RNF144B: variants seen among roughly 807,000 people sequenced by gnomAD.
RNF144B encodes the protein ring finger protein 144B, also known as E3 ubiquitin-protein ligase RNF144B.
Under a neutral mutation model 40.2 loss-of-function variants are expected in RNF144B, and 25 were observed. The observed-to-expected ratio is 0.62, with a 90% CI of 0.45 to 0.87. The LOEUF (loss-of-function observed/expected upper bound fraction) is 0.87, where lower values mean the gene tolerates loss of function less well. Ranked by LOEUF, RNF144B falls within the 40% of genes least tolerant of loss-of-function variation. RNF144B has a pLI of 0.00. For synonymous variants in RNF144B, 145 were observed against 136.3 expected (o/e 1.06, Z -0.44); for missense variants, 365 against 373.7 (o/e 0.98, Z 0.19).
chr6:18,451,167 C>CT (rs1344224235), intron 4 of RNF144B, among the ~76,000 whole-genome samples: 1 of 152,064 alleles, frequency 6.6e-6, no homozygotes, highest in Non-Finnish European at 1.5e-5. Flanking sequence ...TTTCCCTTTT[C>CT]TTTTTTTGAC....
chr6:18,387,603 C>A lies in RNF144B; in HGVS notation c.-64C>A. 7.6e-7 allele frequency: 1 copy of A among 1,317,036 alleles called. No individual in the cohort carries two copies. The highest frequency in any genetic ancestry group is 1.0e-6 in the Non-Finnish European group (1 of 1,003,974). 81.6% of individuals were successfully genotyped at this position (1,317,036 alleles called of 1,614,324 possible). ...CGAGGGAGGCTACTGAGAAGCCCGGCGACGGAGGAACGCAGGTCTGCTGCC... is the reference window on the plus strand; with the variant it reads ...CGAGGGAGGCTACTGAGAAGCCCGGAGACGGAGGAACGCAGGTCTGCTGCC... On this transcript the variant is annotated 5_prime_UTR_variant, in exon 1 of 8. Coordinates refer to ENST00000259939, the MANE Select transcript of RNF144B (RefSeq NM_182757.4).
chr6:18,415,932 G>A (rs1276403709), intron 2 of RNF144B, among the ~76,000 whole-genome samples: 1 of 151,882 alleles, frequency 6.6e-6, no homozygotes, highest in Non-Finnish European at 1.5e-5. Flanking sequence ...AATAGTAGGA[G>A]GAAGAATGAA....
chr6:18,407,422 TAGA>T (rs1794934394), intron 2 of RNF144B, among the ~76,000 whole-genome samples: 1 of 152,206 alleles, frequency 6.6e-6, no homozygotes, highest in Admixed American at 6.5e-5. Context: ...CAAGATTATA[TAGA>T]AGATTACAGT....
At chr6:18,407,037 C>T (rs902204036) in intron 2 of RNF144B, among the ~76,000 whole-genome samples, 1 of 152,020 alleles carries the variant, frequency 6.6e-6, no homozygotes, top group African/African-American at 2.4e-5. Flanking sequence ...GGATACTGCC[C>T]CTATAATCTA....
rs780081358 is a variant in RNF144B at position 18,387,569 on chromosome 6, C to T, written c.-98C>T. On this transcript the variant is annotated 5_prime_UTR_variant, in exon 1 of 8. Transcript: ENST00000259939. ...CCGGTGTGCCAGCAGCCCGGACTGG[C>T]GGTGAGCGCGAGGGAGGCTACTGAG... The T allele has an allele frequency of 3.6e-5, 48 of 1,327,060 alleles. No individual in the cohort carries two copies. The highest frequency in any genetic ancestry group is 4.4e-5 in the Non-Finnish European group (44 of 1,009,394). The allele number at this position is 1,327,060 out of a possible 1,614,324, so 82.2% of individuals were successfully genotyped here. A position where few individuals can be genotyped will look rare whatever the true frequency, so the allele number is the denominator to read the frequency against.
In RNF144B at chr6:18,447,433, G is replaced by T. The variant is rs1347790831; in HGVS notation, c.331+7689G>T. Reference sequence around the variant, plus strand: ...AGGGCCTGATCCCATAGATTATGAAGATGAAGTCTTAGTGGGATGAGAAGC... The same window carrying T: ...AGGGCCTGATCCCATAGATTATGAATATGAAGTCTTAGTGGGATGAGAAGC... On this transcript the variant is annotated intron_variant, in intron 4 of 7. Coordinates refer to ENST00000259939, the MANE Select transcript of RNF144B (RefSeq NM_182757.4). This position sits in a 1 kb window ranked among gnomAD's most constrained non-coding sequence, Gnocchi z 5.6. Among the ~76,000 whole-genome samples the T allele has an allele frequency of 1.3e-5, 2 of 152,188 alleles. No individual in the cohort carries two copies. Among genetic ancestry groups the T allele is most frequent in the African/African-American group, 4.8e-5 (2 of 41,452 alleles).
chr6:18,436,470 G>A (rs2113511044), intron 3 of RNF144B, among the ~76,000 whole-genome samples: 1 of 152,248 alleles, frequency 6.6e-6, no homozygotes, highest in Middle Eastern at 3.4e-3. Flanking sequence ...TTATCATTAG[G>A]GGAAGTTGGA....
rs61128858 is a variant in RNF144B at position 18,448,688 on chromosome 6, GCACACA to G, written c.332-8443_332-8438del. ...TCCATTTTATTTTGAAAGCCAGCAT[GCACACA>G]CACACACACACACACACACACACCC... On this transcript the variant is annotated intron_variant, in intron 4 of 7. Transcript: ENST00000259939. The surrounding 1 kb of genome is among the most constrained non-coding windows in gnomAD (Gnocchi z 4.0). 0.13 allele frequency among the ~76,000 whole-genome samples: 18,515 copies of G among 144,572 alleles called. 1,297 individuals are homozygous for G. Among genetic ancestry groups the G allele is most frequent in the Admixed American group, 0.2 (2,867 of 14,462 alleles). 94.8% of individuals were successfully genotyped at this position (144,572 alleles called of 152,430 possible). A position where few individuals can be genotyped will look rare whatever the true frequency, so the allele number is the denominator to read the frequency against.
chr6:18,446,134 G>A lies in RNF144B; in HGVS notation c.331+6390G>A, dbSNP rs1355243089. Among the ~76,000 whole-genome samples, 4 of 152,196 alleles carry A rather than the reference G, an allele frequency of 2.6e-5. No individual in the cohort carries two copies. The highest frequency in any genetic ancestry group is 4.8e-5 in the African/African-American group (2 of 41,460). ...TTCTGTGTAGTCCTGTTAGATGCCA[G>A]GGCTGCTGATGTCTGATGACTCTCT... On this transcript the variant is annotated intron_variant, in intron 4 of 7. Transcript: ENST00000259939. This position sits in a 1 kb window ranked among gnomAD's most constrained non-coding sequence, Gnocchi z 4.7.
chr6:18,434,887 C>T lies in RNF144B; in HGVS notation c.271-4797C>T, dbSNP rs1319202931. 2.2e-4 allele frequency among the ~76,000 whole-genome samples: 34 copies of T among 152,122 alleles called. No homozygotes were observed. The highest frequency in any genetic ancestry group is 1.3e-4 in the Non-Finnish European group (9 of 68,032). On this transcript the variant is annotated intron_variant, in intron 3 of 7. Coordinates refer to ENST00000259939, the MANE Select transcript of RNF144B (RefSeq NM_182757.4). The surrounding 1 kb of genome is among the most constrained non-coding windows in gnomAD (Gnocchi z 4.1). ...CCACCTGCCTCGGCCTCCCAAAGTG[C>T]TAGGATTACAGGCGTAAGCCACCTT...
At position 18,447,292 on chromosome 6, in the gene RNF144B, G is replaced by A. The variant is rs1475550375; in HGVS notation, c.331+7548G>A. 1.3e-5 allele frequency among the ~76,000 whole-genome samples: 2 copies of A among 152,128 alleles called. No homozygotes were observed. The highest frequency in any genetic ancestry group is 4.8e-5 in the African/African-American group (2 of 41,436). ...AGGCAGAGGTAAAGGTACCTACAAAGCCCCTGAGGCAAGAACAAGCCTGGT... is the reference window on the plus strand; with the variant it reads ...AGGCAGAGGTAAAGGTACCTACAAAACCCCTGAGGCAAGAACAAGCCTGGT... On this transcript the variant is annotated intron_variant, in intron 4 of 7. Transcript: ENST00000259939. The surrounding 1 kb of genome is among the most constrained non-coding windows in gnomAD (Gnocchi z 5.6).
rs1347088971 is a variant in RNF144B, at chr6:18,446,693, T to A, written c.331+6949T>A. On this transcript the variant is annotated intron_variant, in intron 4 of 7. Coordinates refer to ENST00000259939, the MANE Select transcript of RNF144B (RefSeq NM_182757.4). This position sits in a 1 kb window ranked among gnomAD's most constrained non-coding sequence, Gnocchi z 4.7. ...TGATTGTCAGAGAAGGGTGAATGGA[T>A]CTTCCAGGGATATTTGGTGATGTCC... Among the ~76,000 whole-genome samples, 1 of 152,180 alleles carries A rather than the reference T, an allele frequency of 6.6e-6. No homozygotes were observed. Among genetic ancestry groups the A allele is most frequent in the Non-Finnish European group, 1.5e-5 (1 of 68,032 alleles).
Position 18,405,318 on chromosome 6 carries a change from C to T in RNF144B, c.165+5619C>T, listed in dbSNP as rs1794880809. Among the ~76,000 whole-genome samples the T allele has an allele frequency of 1.3e-5, 2 of 151,954 alleles. No individual in the cohort carries two copies. Among genetic ancestry groups the T allele is most frequent in the South Asian group, 2.1e-4 (1 of 4,814 alleles). Reference sequence around the variant, plus strand: ...CCTCCGGAGTAGCTGGGATTACAGGCATGTGCCACCAGGCCTGACTAATTT... The same window carrying T: ...CCTCCGGAGTAGCTGGGATTACAGGTATGTGCCACCAGGCCTGACTAATTT... On this transcript the variant is annotated intron_variant, in intron 2 of 7. Transcript: ENST00000259939. This position sits in a 1 kb window ranked among gnomAD's most constrained non-coding sequence, Gnocchi z 4.5.
intron 3 of RNF144B, among the ~76,000 whole-genome samples, chr6:18,428,493 C>T (rs1758617732): frequency 6.6e-6 from 1 of 151,250 alleles, no homozygotes; most frequent in Non-Finnish European, 1.5e-5. Flanking sequence ...AAATCTTTTT[C>T]TTTTTTTTTC....
At chr6:18,391,965 G>A (rs1393137830) in intron 1 of RNF144B, among the ~76,000 whole-genome samples, 2 of 148,076 alleles carry the variant, frequency 1.4e-5, no homozygotes, top group Non-Finnish European at 3.0e-5. Flanking sequence ...TTGGGAGGCC[G>A]ACGCGGGAGG....
intron 1 of RNF144B, chr6:18,396,194 A>G (rs28360581): frequency 0.24 from 44,647 of 189,406 alleles, 5,893 homozygotes; most frequent in East Asian, 0.41. Flanking sequence ...TATGTTTCAC[A>G]TGGTCTTGAT....
Position 18,407,493 on chromosome 6 carries a change from C to G in RNF144B, c.165+7794C>G, listed in dbSNP as rs146486820. On this transcript the variant is annotated intron_variant, in intron 2 of 7. Transcript: ENST00000259939. ...CAGAATACAGCTAGCATATATAGCT[C>G]TACTCTTTTTAGTGTGGTTATCTAG... Among the ~76,000 whole-genome samples, 108 of 152,296 alleles carry G rather than the reference C, an allele frequency of 7.1e-4. 2 individuals carry two copies. Among genetic ancestry groups the G allele is most frequent in the Admixed American group, 1.8e-3 (28 of 15,308 alleles).
chr6:18,399,068 T>C (rs779461636), intron 1 of RNF144B, among the ~76,000 whole-genome samples: 36 of 152,184 alleles, frequency 2.4e-4, no homozygotes, highest in Non-Finnish European at 4.6e-4. Flanking sequence ...CACTTCACAT[T>C]TTTCTTTGTG....
intron 2 of RNF144B, among the ~76,000 whole-genome samples, chr6:18,413,837 T>C (rs539116216): frequency 2.6e-5 from 4 of 152,338 alleles, no homozygotes; most frequent in Admixed American, 2.6e-4. Context: ...CTGCTTTCCC[T>C]AGGTAATGTG....
Sources: gnomAD v4.1 joint callset for allele counts (sites outside exome capture counted in the v4.1 genomes callset) on GRCh38, gnomAD v4.1.1 for gene constraint, Gnocchi (gnomAD v3.1) non-coding constraint, MANE v1.5 for transcripts, NCBI Gene and HGNC (gene_info 2026-07-23, HGNC 2026-07-21) for gene names.